The following KCNK10 variants were observed in gnomAD, a reference collection of about 807,000 sequenced individuals.
The protein encoded by KCNK10 is potassium two pore domain channel subfamily K member 10.
A neutral mutation model predicts 47.7 loss-of-function variants in KCNK10; 25 were observed. The observed-to-expected ratio is 0.52, with a 90% CI of 0.38 to 0.73. KCNK10 has a LOEUF of 0.73. Ranked by LOEUF, KCNK10 falls within the 30% of genes least tolerant of loss-of-function variation. The pLI is 0.00. For missense variants in KCNK10, 563 were observed against 714.5 expected, an observed-to-expected ratio of 0.79 and a Z score of 2.42; for synonymous variants, 303 against 285.6, an observed-to-expected ratio of 1.06 and a Z score of -0.61.
intron 1 of KCNK10, among the ~76,000 whole-genome samples, chr14:88,299,119 T>C (rs1888045019): frequency 1.3e-5 from 2 of 152,208 alleles, no homozygotes; most frequent in South Asian, 4.1e-4. Context: ...TTCCACTCTG[T>C]CTCCCACTTC....
intron 1 of KCNK10, among the ~76,000 whole-genome samples, chr14:88,284,298 T>C (rs1421844118): frequency 1.3e-5 from 2 of 152,092 alleles, no homozygotes; most frequent in Non-Finnish European, 2.9e-5. Flanking sequence ...TGGGAGACCC[T>C]GGGTACAAAC....
chr14:88,244,961 C>T (rs896668386), intron 2 of KCNK10, among the ~76,000 whole-genome samples: 3 of 152,080 alleles, frequency 2.0e-5, no homozygotes, highest in African/African-American at 7.2e-5. Flanking sequence ...TAATTAGATA[C>T]GAGGGGATAC....
chr14:88,296,738 C>A (rs1269738662), intron 1 of KCNK10, among the ~76,000 whole-genome samples: 1 of 152,198 alleles, frequency 6.6e-6, no homozygotes, highest in Non-Finnish European at 1.5e-5. Context: ...TCTCTTAGAC[C>A]TGGACATCTG....
chr14:88,195,677 G>C (rs536171001), intron 4 of KCNK10, among the ~76,000 whole-genome samples: 1 of 152,180 alleles, frequency 6.6e-6, no homozygotes, highest in South Asian at 2.1e-4. Context: ...TTTTTTATTT[G>C]CCTTCCAATT....
chr14:88,222,719 G>T (rs1195450444), intron 4 of KCNK10, among the ~76,000 whole-genome samples: 1 of 152,148 alleles, frequency 6.6e-6, no homozygotes, highest in Non-Finnish European at 1.5e-5. Context: ...TCTAAAAAAA[G>T]ATAAATTTTA....
intron 4 of KCNK10, among the ~76,000 whole-genome samples, chr14:88,215,414 T>C (rs1212640158): frequency 2.0e-5 from 3 of 152,050 alleles, no homozygotes; most frequent in Non-Finnish European, 4.4e-5. Flanking sequence ...GAACTCACTA[T>C]CACAAGAGCA....
At chr14:88,240,894 G>T in intron 2 of KCNK10, 74 bp from the exon 3 acceptor site, 1 of 861,292 alleles carries the variant, frequency 1.2e-6, no homozygotes, top group Non-Finnish European at 1.9e-6. Context: ...AAAAAAAAAA[G>T]GTTCCAATAC....
chr14:88,289,803 T>C (rs887453250), intron 1 of KCNK10, among the ~76,000 whole-genome samples: 6 of 152,240 alleles, frequency 3.9e-5, no homozygotes, highest in Non-Finnish European at 7.3e-5. Context: ...CTTAGTGCCA[T>C]GGTGAGATTT....
At chr14:88,245,305 G>A (rs1447034244) in intron 2 of KCNK10, among the ~76,000 whole-genome samples, 1 of 152,142 alleles carries the variant, frequency 6.6e-6, no homozygotes, top group Admixed American at 6.5e-5. Context: ...AAAAGATTCT[G>A]TGCCCCTCTT....
chr14:88,284,544 C>T (rs1280694572), intron 1 of KCNK10, among the ~76,000 whole-genome samples: 1 of 152,184 alleles, frequency 6.6e-6, no homozygotes, highest in Non-Finnish European at 1.5e-5. Context: ...TGGCAAACCA[C>T]TGGTGTAAGT....
At chr14:88,252,449 G>A (rs888609726) in intron 2 of KCNK10, among the ~76,000 whole-genome samples, 46 of 152,134 alleles carry the variant, frequency 3.0e-4, no homozygotes, top group African/African-American at 1.1e-3. Context: ...GAGTGACTCG[G>A]GTCTTGGCAG....
intron 3 of KCNK10, among the ~76,000 whole-genome samples, chr14:88,227,960 T>C (rs1272643312): frequency 6.6e-6 from 1 of 152,184 alleles, no homozygotes; most frequent in African/African-American, 2.4e-5. Context: ...GGACCGACTG[T>C]GGCTGTCTTG....
chr14:88,306,679 G>C lies in KCNK10; in HGVS notation c.52+16068C>G, dbSNP rs549734469. Among the ~76,000 whole-genome samples the C allele has an allele frequency of 2.8e-4, 43 of 152,022 alleles. 1 individual carries two copies. The South Asian group carries it at 8.6e-3, about 30-fold the overall frequency. On this transcript the variant is annotated intron_variant, in intron 1 of 6. Transcript: ENST00000319231. The stretch of plus-strand genomic sequence containing the variant: ...CTCATGTCTCCAGAAAAGCACTGGG[G>C]CTGGGGGAGGGGGCATGGGGTAGGA...
At chr14:88,245,833 C>T (rs1886622041) in intron 2 of KCNK10, among the ~76,000 whole-genome samples, 1 of 152,214 alleles carries the variant, frequency 6.6e-6, no homozygotes, top group African/African-American at 2.4e-5. Context: ...AAAAAGGTAG[C>T]TCTGTTAACA....
chr14:88,316,935 G>C (rs140608138), intron 1 of KCNK10, among the ~76,000 whole-genome samples: 228 of 152,306 alleles, frequency 1.5e-3, no homozygotes, highest in African/African-American at 5.2e-3. Flanking sequence ...AAATGCATCA[G>C]ATTTAAGGTG....
At chr14:88,256,443 C>G (rs1409475475) in intron 2 of KCNK10, among the ~76,000 whole-genome samples, 1 of 152,010 alleles carries the variant, frequency 6.6e-6, no homozygotes, top group Non-Finnish European at 1.5e-5. Context: ...GTGGAGCCGG[C>G]CCTAGTGTCT....
chr14:88,193,370 C>T (rs12100986), intron 4 of KCNK10, among the ~76,000 whole-genome samples: 7,015 of 152,088 alleles, frequency 0.046, 363 homozygotes, highest in African/African-American at 0.13. Flanking sequence ...CTGGTAGCAT[C>T]GGTCATATTC....
intron 5 of KCNK10, among the ~76,000 whole-genome samples, chr14:88,191,147 G>A (rs1177613944): frequency 6.6e-6 from 1 of 152,064 alleles, no homozygotes; most frequent in Non-Finnish European, 1.5e-5. Context: ...CTACTCAGGA[G>A]GCTGAGGTGG....
At chr14:88,277,630 C>T (rs367995801) in intron 1 of KCNK10, among the ~76,000 whole-genome samples, 4 of 152,152 alleles carry the variant, frequency 2.6e-5, no homozygotes, top group Admixed American at 6.5e-5. Flanking sequence ...AATCAACAGA[C>T]TTACTTAAAA....
Sources: gnomAD v4.1 joint callset for allele counts (sites outside exome capture counted in the v4.1 genomes callset) on GRCh38, gnomAD v4.1.1 for gene constraint, MANE v1.5 for transcripts, NCBI Gene and HGNC (gene_info 2026-07-23, HGNC 2026-07-21) for gene names.